The following PPP1R1C variants were observed in gnomAD, a reference collection of about 807,000 sequenced individuals.
PPP1R1C encodes the protein protein phosphatase 1 regulatory subunit 1C.
In PPP1R1C, 15 loss-of-function variants were observed where a neutral mutation model predicts 17.4. The observed-to-expected ratio is 0.86, with a 90% CI of 0.58 to 1.33. PPP1R1C has a LOEUF of 1.33. Ranked by LOEUF, PPP1R1C falls within the 40% of genes most tolerant of loss-of-function variation. The pLI is 0.00. For synonymous variants in PPP1R1C, 35 were observed against 43.1 expected (o/e 0.81, Z 0.73); for missense variants, 143 against 130.0 (o/e 1.10, Z -0.48).
intron 2 of PPP1R1C, among the ~76,000 whole-genome samples, chr2:182,054,870 A>G (rs1687633992): frequency 6.6e-6 from 1 of 152,144 alleles, no homozygotes; most frequent in African/African-American, 2.4e-5. Flanking sequence ...CATGTTGGCT[A>G]GGCTGGTCTC....
At chr2:182,007,442 T>C (rs1355917589) in intron 2 of PPP1R1C, among the ~76,000 whole-genome samples, 2 of 152,210 alleles carry the variant, frequency 1.3e-5, no homozygotes, top group Non-Finnish European at 2.9e-5. Flanking sequence ...AAGCCTAACA[T>C]TTCATAGCAG....
At position 182,089,908 on chromosome 2, in the gene PPP1R1C, T is replaced by C. The variant is rs138631135; in HGVS notation, c.241+26117T>C. The stretch of plus-strand genomic sequence containing the variant: ...TACTCATCATTATCTTCTAATGGCA[T>C]AAATATTTTACAGCAATTTTAATAT... On this transcript the variant is annotated intron_variant, in intron 4 of 4. Coordinates refer to ENST00000682840, the MANE Select transcript of PPP1R1C (RefSeq NM_001080545.3). Among the ~76,000 whole-genome samples the C allele has an allele frequency of 2.3e-3, 351 of 152,186 alleles. 2 individuals are homozygous for C. The highest frequency in any genetic ancestry group is 8.1e-3 in the African/African-American group (337 of 41,564).
chr2:182,073,881 G>A (rs547342013), intron 4 of PPP1R1C, among the ~76,000 whole-genome samples: 31 of 152,236 alleles, frequency 2.0e-4, no homozygotes, highest in African/African-American at 7.0e-4. Flanking sequence ...CTTGTCAAAG[G>A]TCTCCTGTGT....
At chr2:182,091,128 C>T (rs1226521364) in intron 4 of PPP1R1C, among the ~76,000 whole-genome samples, 1 of 152,102 alleles carries the variant, frequency 6.6e-6, no homozygotes. Context: ...CAAATAATTT[C>T]ACTTAAATCT....
intron 2 of PPP1R1C, among the ~76,000 whole-genome samples, chr2:181,995,386 A>T (rs974438545): frequency 1.3e-5 from 2 of 152,178 alleles, no homozygotes; most frequent in African/African-American, 2.4e-5. Context: ...TCCTCAGAAA[A>T]ATAGCGCATC....
In PPP1R1C at chr2:182,047,062, T is replaced by C. The variant is rs182665726; in HGVS notation, c.143-14380T>C. On this transcript the variant is annotated intron_variant, in intron 2 of 4. Transcript: ENST00000682840. The stretch of plus-strand genomic sequence containing the variant: ...CTAATTCCAGTGCCTCTCAGAACCA[T>C]CTTTAAAGTGAATGCTCTCAAAATT... 3.9e-5 allele frequency among the ~76,000 whole-genome samples: 6 copies of C among 152,310 alleles called. No individual in the cohort carries two copies. In the East Asian group the frequency reaches 7.7e-4, roughly 20 times the overall value.
chr2:182,054,819 C>T (rs1006736959), intron 2 of PPP1R1C, among the ~76,000 whole-genome samples: 4 of 152,066 alleles, frequency 2.6e-5, no homozygotes, highest in Non-Finnish European at 5.9e-5. Flanking sequence ...TGCCACCACA[C>T]CTGGCTAATT....
intron 2 of PPP1R1C, among the ~76,000 whole-genome samples, chr2:182,020,157 T>C (rs1686375406): frequency 6.6e-6 from 1 of 152,210 alleles, no homozygotes; most frequent in Non-Finnish European, 1.5e-5. Flanking sequence ...TGTATTTAAA[T>C]TAAAGTAGCA....
At chr2:181,998,631 T>C (rs565454227) in intron 2 of PPP1R1C, among the ~76,000 whole-genome samples, 1 of 152,330 alleles carries the variant, frequency 6.6e-6, no homozygotes, top group African/African-American at 2.4e-5. Context: ...ATGGTTAATG[T>C]TACCACTTAA....
At chr2:182,066,994 GTT>G (rs1415542674) in intron 4 of PPP1R1C, among the ~76,000 whole-genome samples, 4 of 149,080 alleles carry the variant, frequency 2.7e-5, no homozygotes, top group African/African-American at 9.9e-5. Flanking sequence ...GTGTGTGTGT[GTT>G]TTACTGGAAT....
intron 2 of PPP1R1C, among the ~76,000 whole-genome samples, chr2:182,045,802 G>A (rs956771251): frequency 6.6e-6 from 1 of 152,078 alleles, no homozygotes; most frequent in Non-Finnish European, 1.5e-5. Context: ...AAATAGCATA[G>A]CTATAAAATA....
Position 182,051,230 on chromosome 2 carries a change from G to C in PPP1R1C, c.143-10212G>C, listed in dbSNP as rs1198072416. On this transcript the variant is annotated intron_variant, in intron 2 of 4. Transcript: ENST00000682840. ...GTTTTTTGTGCAAAATATGTTCTTA[G>C]TGCCTCCTGAAAGATAGAAGAAAAA... Among the ~76,000 whole-genome samples the C allele has an allele frequency of 2.0e-5, 3 of 152,178 alleles. No homozygotes were observed. In the East Asian group the frequency reaches 5.8e-4, roughly 29 times the overall value.
chr2:182,079,895 G>A (rs780461171), intron 4 of PPP1R1C, among the ~76,000 whole-genome samples: 3 of 152,086 alleles, frequency 2.0e-5, no homozygotes, highest in African/African-American at 4.8e-5. Context: ...GTCTCTGTGT[G>A]TTGTTTCCTC....
chr2:182,102,276 C>T (rs1189334561), intron 4 of PPP1R1C, among the ~76,000 whole-genome samples: 1 of 152,150 alleles, frequency 6.6e-6, no homozygotes, highest in Non-Finnish European at 1.5e-5. Flanking sequence ...TAATTTATGG[C>T]CACTTTTGTA....
intron 1 of PPP1R1C, among the ~76,000 whole-genome samples, chr2:181,969,822 T>A (rs1684971774): frequency 1.3e-5 from 2 of 152,206 alleles, no homozygotes; most frequent in African/African-American, 4.8e-5. Context: ...TCTGACTATG[T>A]GTTTTCAAAC....
chr2:182,074,566 T>C (rs1688238165), intron 4 of PPP1R1C, among the ~76,000 whole-genome samples: 1 of 152,194 alleles, frequency 6.6e-6, no homozygotes, highest in Non-Finnish European at 1.5e-5. Flanking sequence ...AATATAAAAA[T>C]GTCAAGATAA....
intron 5 of PPP1R1C, chr2:182,128,912 T>C (rs1689940227): frequency 6.6e-6 from 1 of 152,114 alleles, no homozygotes; most frequent in Non-Finnish European, 1.5e-5. Flanking sequence ...TTACATGACA[T>C]GGTATTAAAT....
chr2:181,971,083 T>G (rs1040280996), intron 1 of PPP1R1C, among the ~76,000 whole-genome samples: 1 of 152,122 alleles, frequency 6.6e-6, no homozygotes, highest in Admixed American at 6.5e-5. Context: ...CCAGGCTGTT[T>G]CCATGCCACA....
chr2:181,958,610 A>C (rs748488198), intron 1 of PPP1R1C, among the ~76,000 whole-genome samples: 7 of 152,232 alleles, frequency 4.6e-5, no homozygotes, highest in Non-Finnish European at 1.0e-4. Context: ...GCACCAGATC[A>C]AGATATAGAA....
Sources: allele counts gnomAD v4.1 joint callset (sites outside exome capture counted in the v4.1 genomes callset), GRCh38; gene constraint gnomAD v4.1.1; transcripts MANE v1.5; gene names NCBI Gene and HGNC (gene_info 2026-07-23, HGNC 2026-07-21).